Variants in FYN observed in about 807,000 individuals in gnomAD.
The protein encoded by FYN is FYN proto-oncogene, Src family tyrosine kinase, also known as tyrosine-protein kinase Fyn.
A neutral mutation model predicts 70.2 loss-of-function variants in FYN; 10 were observed. That is an observed-to-expected ratio of 0.14 (90% CI 0.09 to 0.24). The LOEUF is 0.24. FYN is among the 10% of genes least tolerant of loss of function. FYN has a pLI of 1.00. For missense variants in FYN, 319 were observed against 673.1 expected (o/e 0.47, Z 5.82); for synonymous variants, 236 against 248.6 (o/e 0.95, Z 0.48).
In FYN at chr6:111,816,696, T is replaced by C. The variant is rs139446905; in HGVS notation, c.-82+29893A>G. Among the ~76,000 whole-genome samples, 379 of 152,352 alleles carry C rather than the reference T, an allele frequency of 2.5e-3. 3 individuals are homozygous for C. The highest frequency in any genetic ancestry group is 8.5e-3 in the African/African-American group (352 of 41,582). ...TATTATCATGAGAATATGGAGTAAC[T>C]GGCATCATCTGACACTTCCAGTAAA... On this transcript the variant is annotated intron_variant, in intron 2 of 13. Transcript: ENST00000354650.
chr6:111,663,811 C>T (rs540626902), intron 13 of FYN, among the ~76,000 whole-genome samples: 2 of 152,154 alleles, frequency 1.3e-5, no homozygotes, highest in South Asian at 4.1e-4. Flanking sequence ...CTACATCCTC[C>T]TCCAATGGCT....
intron 10 of FYN, among the ~76,000 whole-genome samples, chr6:111,695,080 G>C (rs1191031216): frequency 6.6e-6 from 1 of 152,186 alleles, no homozygotes; most frequent in South Asian, 2.1e-4. Flanking sequence ...ATACAGCCCA[G>C]CTGAGTGGTC....
chr6:111,682,607 G>A (rs755438375), intron 12 of FYN, among the ~76,000 whole-genome samples: 23 of 152,208 alleles, frequency 1.5e-4, no homozygotes, highest in Non-Finnish European at 2.2e-4. Flanking sequence ...GCCAGGAAAC[G>A]AGGAGTGGAT....
intron 1 of FYN, among the ~76,000 whole-genome samples, chr6:111,847,558 A>G (rs1437923669): frequency 6.6e-6 from 1 of 152,170 alleles, no homozygotes; most frequent in Admixed American, 6.5e-5. Context: ...CCTATCTTGT[A>G]GAGACTCTTA....
At chr6:111,732,968 G>C (rs1801539694) in intron 3 of FYN, among the ~76,000 whole-genome samples, 1 of 152,084 alleles carries the variant, frequency 6.6e-6, no homozygotes. Context: ...TGCTTCTTTG[G>C]GAGGAGATGG....
chr6:111,777,774 T>A (rs1021374876), intron 3 of FYN, among the ~76,000 whole-genome samples: 1 of 152,204 alleles, frequency 6.6e-6, no homozygotes, highest in East Asian at 1.9e-4. Context: ...AAACTTCCTA[T>A]GACTTGTAAT....
At chr6:111,838,118 A>C (rs1199052352) in intron 2 of FYN, among the ~76,000 whole-genome samples, 3 of 152,154 alleles carry the variant, frequency 2.0e-5, no homozygotes, top group African/African-American at 7.2e-5. Flanking sequence ...CTTAACCCTC[A>C]TTACCCTAGT....
At chr6:111,702,665 T>C (rs1011161480) in intron 8 of FYN, 4 of 398,388 alleles carry the variant, frequency 1.0e-5, no homozygotes, top group Non-Finnish European at 1.3e-5. Flanking sequence ...AAAAATATTA[T>C]AGAATCTTCG....
chr6:111,860,501 T>C (rs2114517483), intron 1 of FYN, among the ~76,000 whole-genome samples: 1 of 152,272 alleles, frequency 6.6e-6, no homozygotes, highest in South Asian at 2.1e-4. Context: ...AGAACCTCTG[T>C]CACAGCTAGA....
intron 2 of FYN, among the ~76,000 whole-genome samples, chr6:111,813,513 T>G (rs1326396630): frequency 6.6e-6 from 1 of 152,216 alleles, no homozygotes; most frequent in Non-Finnish European, 1.5e-5. Context: ...TCAAATACTT[T>G]TTATGGCCTT....
intron 3 of FYN, among the ~76,000 whole-genome samples, chr6:111,767,731 C>A (rs1413025591): frequency 6.6e-6 from 1 of 152,168 alleles, no homozygotes; most frequent in Non-Finnish European, 1.5e-5. Context: ...TACGTGTGTA[C>A]TCTAAGATAC....
chr6:111,741,768 G>A (rs1315548347), intron 3 of FYN, among the ~76,000 whole-genome samples: 1 of 152,300 alleles, frequency 6.6e-6, no homozygotes. Flanking sequence ...AACTTTATGA[G>A]CATGAGAATT....
At chr6:111,836,629 G>A (rs775730235) in intron 2 of FYN, among the ~76,000 whole-genome samples, 4 of 152,130 alleles carry the variant, frequency 2.6e-5, no homozygotes, top group African/African-American at 4.8e-5. Context: ...TTAGCCAGGC[G>A]CTGTAGCAGG....
intron 3 of FYN, among the ~76,000 whole-genome samples, chr6:111,753,562 T>A (rs1366644232): frequency 6.6e-6 from 1 of 151,544 alleles, no homozygotes; most frequent in African/African-American, 2.4e-5. Flanking sequence ...GATATAAAAA[T>A]ATCTTGGTAG....
At chr6:111,829,473 G>A (rs945169801) in intron 2 of FYN, among the ~76,000 whole-genome samples, 2 of 152,180 alleles carry the variant, frequency 1.3e-5, no homozygotes, top group African/African-American at 2.4e-5. Context: ...AGGTGCAGCA[G>A]ACAAGGAAGA....
intron 3 of FYN, among the ~76,000 whole-genome samples, chr6:111,753,584 A>AGG (rs1389761300): frequency 6.6e-6 from 1 of 152,104 alleles, no homozygotes; most frequent in Non-Finnish European, 1.5e-5. Context: ...CTGGAGTATT[A>AGG]GGCCACAACT....
chr6:111,812,280 A>G (rs2114312523), intron 2 of FYN, among the ~76,000 whole-genome samples: 1 of 152,342 alleles, frequency 6.6e-6, no homozygotes, highest in East Asian at 1.9e-4. Context: ...GGCAGGGCAG[A>G]TGGCGATGCT....
chr6:111,843,462 T>C (rs890918173), intron 2 of FYN, among the ~76,000 whole-genome samples: 2 of 152,202 alleles, frequency 1.3e-5, no homozygotes, highest in Non-Finnish European at 2.9e-5. Context: ...CCCTCAAGAA[T>C]TCTAAAAGAT....
chr6:111,786,003 C>CT (rs36023146), intron 2 of FYN, among the ~76,000 whole-genome samples: 12 of 151,670 alleles, frequency 7.9e-5, no homozygotes, highest in South Asian at 2.1e-4. Context: ...TGAACTCATT[C>CT]TTTTTTTATG....
Sources: gnomAD v4.1 joint callset for allele counts (sites outside exome capture counted in the v4.1 genomes callset) on GRCh38, gnomAD v4.1.1 for gene constraint, MANE v1.5 for transcripts, NCBI Gene and HGNC (gene_info 2026-07-23, HGNC 2026-07-21) for gene names.